The following RNF144B variants were observed in gnomAD, a reference collection of about 807,000 sequenced individuals.
The protein encoded by RNF144B is ring finger protein 144B, also known as E3 ubiquitin-protein ligase RNF144B.
RNF144B carries 25 observed loss-of-function variants against 40.2 expected under a neutral mutation model. The observed-to-expected ratio is 0.62, with a 90% CI of 0.45 to 0.87. RNF144B has a LOEUF of 0.87. Among genes scored for constraint, RNF144B ranks in the 40% least tolerant of loss-of-function variants. The pLI, the probability that RNF144B is intolerant of heterozygous loss-of-function variation, is 0.00. For synonymous variants in RNF144B, 145 were observed against 136.3 expected, an observed-to-expected ratio of 1.06 and a Z score of -0.44; for missense variants, 365 against 373.7, an observed-to-expected ratio of 0.98 and a Z score of 0.19.
intron 2 of RNF144B, among the ~76,000 whole-genome samples, chr6:18,421,952 G>A (rs1017315671): frequency 6.6e-6 from 1 of 152,098 alleles, no homozygotes; most frequent in African/African-American, 2.4e-5. Flanking sequence ...TAATCATTTG[G>A]TGCCAGGTTT....
At chr6:18,417,260 T>C (rs11751319) in intron 2 of RNF144B, among the ~76,000 whole-genome samples, 47,384 of 151,942 alleles carry the variant, frequency 0.31, 8,579 homozygotes, top group East Asian at 0.51. Flanking sequence ...TTGAGCAACC[T>C]AGAATGGTGA....
chr6:18,431,700 C>T (rs1306192338), intron 3 of RNF144B, among the ~76,000 whole-genome samples: 1 of 152,224 alleles, frequency 6.6e-6, no homozygotes, highest in East Asian at 1.9e-4. Flanking sequence ...ATTTATATTA[C>T]AACACGTGAT....
chr6:18,420,641 G>A (rs1261031857), intron 2 of RNF144B, among the ~76,000 whole-genome samples: 2 of 152,024 alleles, frequency 1.3e-5, no homozygotes, highest in Non-Finnish European at 2.9e-5. Context: ...GGGGAGCGGG[G>A]GAGGTTGCAT....
rs1158097906 is a variant in RNF144B at position 18,434,658 on chromosome 6, G to T, written c.271-5026G>T. On this transcript the variant is annotated intron_variant, in intron 3 of 7. Coordinates refer to ENST00000259939, the MANE Select transcript of RNF144B (RefSeq NM_182757.4). The surrounding 1 kb of genome is among the most constrained non-coding windows in gnomAD (Gnocchi z 4.1). Reference sequence around the variant, plus strand: ...GTTTTTTTAGACAGAGTCTTGCTCTGTCGCCCAGGCTGGAATGCAGTGGTG... The same window carrying T: ...GTTTTTTTAGACAGAGTCTTGCTCTTTCGCCCAGGCTGGAATGCAGTGGTG... 6.6e-6 allele frequency among the ~76,000 whole-genome samples: 1 copy of T among 152,098 alleles called. No homozygotes were observed. The highest frequency in any genetic ancestry group is 2.4e-5 in the African/African-American group (1 of 41,412).
chr6:18,439,562 G>T, intron 3 of RNF144B, 122 bp from the exon 4 acceptor site: 3 of 686,766 alleles, frequency 4.4e-6, no homozygotes, highest in South Asian at 3.5e-5. Context: ...GAGAAAAAGA[G>T]GTTTGCAAAC....
chr6:18,426,631 T>G (rs901513624), intron 2 of RNF144B, among the ~76,000 whole-genome samples: 2 of 152,168 alleles, frequency 1.3e-5, no homozygotes, highest in Non-Finnish European at 2.9e-5. Flanking sequence ...TTTTTTCTTT[T>G]CAGTTTCTTC....
chr6:18,428,696 A>C (rs1194469444), intron 3 of RNF144B, among the ~76,000 whole-genome samples: 1 of 152,150 alleles, frequency 6.6e-6, no homozygotes, highest in Non-Finnish European at 1.5e-5. Flanking sequence ...TGCACCAGGC[A>C]CCACCACCCC....
chr6:18,424,104 G>T (rs1221427216), intron 2 of RNF144B, among the ~76,000 whole-genome samples: 2 of 152,146 alleles, frequency 1.3e-5, no homozygotes, highest in African/African-American at 2.4e-5. Flanking sequence ...CTAGATGCCA[G>T]TTTTCCCCCC....
Position 18,439,631 on chromosome 6 carries a change from A to G in RNF144B, c.271-53A>G. 2.4e-6 allele frequency: 3 copies of G among 1,226,378 alleles called. No individual in the cohort carries two copies. In the Admixed American group the frequency reaches 5.2e-5, roughly 21 times the overall value. 76.0% of individuals were successfully genotyped at this position (1,226,378 alleles called of 1,614,324 possible). A position where few individuals can be genotyped will look rare whatever the true frequency, so the allele number is the denominator to read the frequency against. On this transcript the variant is annotated intron_variant, in intron 3 of 7. Coordinates refer to ENST00000259939, the MANE Select transcript of RNF144B (RefSeq NM_182757.4). Reference sequence around the variant, plus strand: ...AGAAAGAGAAATCAAAAGGCTGGTAACTCAGGGCACTATGATGACTGAAGT... The same window carrying G: ...AGAAAGAGAAATCAAAAGGCTGGTAGCTCAGGGCACTATGATGACTGAAGT...
chr6:18,393,400 G>T (rs960868703), intron 1 of RNF144B, among the ~76,000 whole-genome samples: 1 of 152,196 alleles, frequency 6.6e-6, no homozygotes, highest in Non-Finnish European at 1.5e-5. Flanking sequence ...TGTTGCTACT[G>T]CTACCAGCCA....
Position 18,412,094 on chromosome 6 carries a change from C to G in RNF144B, c.165+12395C>G, listed in dbSNP as rs1209157318. ...TTTACTTATATAAATGTGAAAATAC[C>G]TGTCCTTAGGATAACTTTTTAGAAA... On this transcript the variant is annotated intron_variant, in intron 2 of 7. Coordinates refer to ENST00000259939, the MANE Select transcript of RNF144B (RefSeq NM_182757.4). The surrounding 1 kb of genome is among the most constrained non-coding windows in gnomAD (Gnocchi z 4.2). Among the ~76,000 whole-genome samples the G allele has an allele frequency of 6.6e-6, 1 of 151,996 alleles. No homozygotes were observed. The highest frequency in any genetic ancestry group is 2.4e-5 in the African/African-American group (1 of 41,370).
intron 4 of RNF144B, among the ~76,000 whole-genome samples, chr6:18,454,294 G>A (rs184436726): frequency 2.3e-4 from 35 of 152,310 alleles, no homozygotes; most frequent in Admixed American, 6.5e-4. Flanking sequence ...GGAATTGTGG[G>A]AAAGAATATC....
intron 2 of RNF144B, among the ~76,000 whole-genome samples, chr6:18,402,517 GTTC>G (rs1794814403): frequency 1.2e-5 from 1 of 83,966 alleles, no homozygotes; most frequent in Non-Finnish European, 2.8e-5. Context: ...GAACTGCAAT[GTTC>G]TTCTGTTCCT....
chr6:18,452,423 G>A (rs10456215), intron 4 of RNF144B, among the ~76,000 whole-genome samples: 19,031 of 152,148 alleles, frequency 0.13, 1,369 homozygotes, highest in Admixed American at 0.19. Context: ...AAGAAGAAAG[G>A]GAATTTTTAG....
chr6:18,413,172 A>G (rs1407733486), intron 2 of RNF144B, among the ~76,000 whole-genome samples: 1 of 152,120 alleles, frequency 6.6e-6, no homozygotes, highest in Non-Finnish European at 1.5e-5. Flanking sequence ...GAAAATATAT[A>G]ATGTATGGCC....
rs764510674 is a variant in RNF144B, at chr6:18,457,178, A to T, written c.355A>T (p.Thr119Ser). The change falls in exon 5 of 8, where the codon ACA becomes TCA. Residue 119 changes from threonine (T) to serine (S), a missense_variant. By Grantham distance (58) the Thr-to-Ser change is moderately conservative. Transcript: ENST00000259939. This position sits in a 1 kb window ranked among gnomAD's most constrained non-coding sequence, Gnocchi z 5.1. ...EREVHLDPYRTWCPVADCQTV... is the reference protein window; with the variant it reads ...EREVHLDPYRSWCPVADCQTV... ...AGAAGTTCATCTGGACCCCTACCGAACATGGTGTCCTGTTGCAGACTGTCA... is the reference window on the plus strand; with the variant it reads ...AGAAGTTCATCTGGACCCCTACCGATCATGGTGTCCTGTTGCAGACTGTCA... The T allele has an allele frequency of 6.2e-7, 1 of 1,613,916 alleles. No homozygotes were observed.
chr6:18,463,471 G>A (rs1161957554), intron 7 of RNF144B, 91 bp downstream of exon 7: 1 of 792,120 alleles, frequency 1.3e-6, no homozygotes, highest in African/African-American at 1.7e-5. Context: ...ATTCCCTCCT[G>A]GGAGGTACCA....
chr6:18,437,191 C>A (rs1285999664), intron 3 of RNF144B, among the ~76,000 whole-genome samples: 2 of 152,110 alleles, frequency 1.3e-5, no homozygotes, highest in African/African-American at 4.8e-5. Flanking sequence ...GTAATCCCAG[C>A]ACTTTGGGAA....
At chr6:18,429,560 T>C (rs1051201424) in intron 3 of RNF144B, among the ~76,000 whole-genome samples, 4 of 151,320 alleles carry the variant, frequency 2.6e-5, no homozygotes, top group Non-Finnish European at 3.0e-5. Flanking sequence ...AATCATGGAA[T>C]AACTTTTTTG....
Sources: allele counts gnomAD v4.1 joint callset (sites outside exome capture counted in the v4.1 genomes callset), GRCh38; gene constraint gnomAD v4.1.1; non-coding constraint Gnocchi (gnomAD v3.1); transcripts MANE v1.5; gene names NCBI Gene and HGNC (gene_info 2026-07-23, HGNC 2026-07-21).